FHIT: variants seen among roughly 807,000 people sequenced by gnomAD.
The protein encoded by FHIT is fragile histidine triad diadenosine triphosphatase, also known as bis(5'-adenosyl)-triphosphatase.
Under a neutral mutation model 17.9 loss-of-function variants are expected in FHIT, and 19 were observed. The ratio of observed to expected loss-of-function variants is 1.06; its 90% CI spans 0.74 to 1.56. FHIT has a LOEUF of 1.56. FHIT is among the 40% of genes most tolerant of loss of function. The pLI is 0.00. For synonymous variants in FHIT, 81 were observed against 69.7 expected, an observed-to-expected ratio of 1.16 and a Z score of -0.81; for missense variants, 248 against 189.2, an observed-to-expected ratio of 1.31 and a Z score of -1.82.
intron 5 of FHIT, among the ~76,000 whole-genome samples, chr3:60,087,658 A>T (rs1369268469): frequency 1.3e-5 from 2 of 152,182 alleles, no homozygotes; most frequent in Non-Finnish European, 2.9e-5. Context: ...TAGGACATGG[A>T]CACGATGCAG....
At chr3:60,423,148 G>C (rs1188228673) in intron 5 of FHIT, among the ~76,000 whole-genome samples, 2 of 152,226 alleles carry the variant, frequency 1.3e-5, no homozygotes, top group East Asian at 1.9e-4. Flanking sequence ...AGCCTCAAGT[G>C]AATTAAGCAC....
At chr3:60,148,915 T>C (rs566684003) in intron 5 of FHIT, among the ~76,000 whole-genome samples, 1 of 152,324 alleles carries the variant, frequency 6.6e-6, no homozygotes, top group East Asian at 1.9e-4. Context: ...TCTGCTGTCC[T>C]TTCTTCCCTG....
chr3:60,818,523 C>T (rs1553738304), intron 4 of FHIT, among the ~76,000 whole-genome samples: 1 of 152,146 alleles, frequency 6.6e-6, no homozygotes, highest in African/African-American at 2.4e-5. Flanking sequence ...ACATATACCT[C>T]AGAATTACAT....
At chr3:60,561,487 G>GAA (rs34615883) in intron 4 of FHIT, among the ~76,000 whole-genome samples, 88 of 147,438 alleles carry the variant, frequency 6.0e-4, no homozygotes, top group Non-Finnish European at 5.9e-4. Flanking sequence ...ATGATGGGGA[G>GAA]AAAAAAAAAA....
intron 5 of FHIT, among the ~76,000 whole-genome samples, chr3:60,158,322 CTCTT>C (rs1372581986): frequency 1.3e-5 from 2 of 151,826 alleles, no homozygotes; most frequent in Non-Finnish European, 2.9e-5. Flanking sequence ...TAATTTCTCT[CTCTT>C]TTTTTTTTTT....
chr3:60,555,087 G>T (rs1385147822), intron 4 of FHIT, among the ~76,000 whole-genome samples: 2 of 152,186 alleles, frequency 1.3e-5, no homozygotes, highest in East Asian at 1.9e-4. Context: ...AACAAGTTTA[G>T]AAGTATATAA....
intron 5 of FHIT, among the ~76,000 whole-genome samples, chr3:60,309,856 T>C (rs1708860789): frequency 6.6e-6 from 1 of 152,274 alleles, no homozygotes; most frequent in South Asian, 2.1e-4. Context: ...ACAGCCACAA[T>C]GGTCTCTGGG....
chr3:60,922,001 C>G (rs1267417528), intron 3 of FHIT, among the ~76,000 whole-genome samples: 1 of 152,224 alleles, frequency 6.6e-6, no homozygotes, highest in Non-Finnish European at 1.5e-5. Context: ...CTTCTCCAGG[C>G]ACTGCCTGCA....
At chr3:61,126,383 T>C (rs1366554191) in intron 2 of FHIT, among the ~76,000 whole-genome samples, 1 of 152,184 alleles carries the variant, frequency 6.6e-6, no homozygotes, top group Non-Finnish European at 1.5e-5. Context: ...GAAAAGAGGT[T>C]TAATTGACTC....
At chr3:59,826,292 G>T (rs1423325931) in intron 8 of FHIT, among the ~76,000 whole-genome samples, 2 of 152,068 alleles carry the variant, frequency 1.3e-5, no homozygotes, top group Non-Finnish European at 2.9e-5. Context: ...TAATTTTTTT[G>T]TAGAGATGGG....
At chr3:60,930,482 A>C (rs1286530449) in intron 3 of FHIT, among the ~76,000 whole-genome samples, 1 of 152,242 alleles carries the variant, frequency 6.6e-6, no homozygotes, top group Non-Finnish European at 1.5e-5. Flanking sequence ...CAAAGGACTA[A>C]TATCCAGAAT....
chr3:60,858,264 G>C (rs892677752), intron 3 of FHIT, among the ~76,000 whole-genome samples: 30 of 152,110 alleles, frequency 2.0e-4, no homozygotes, highest in Non-Finnish European at 2.2e-4. Flanking sequence ...GAACAGGCTT[G>C]ATTTTACTAA....
chr3:60,674,911 A>C (rs11923899), intron 4 of FHIT, among the ~76,000 whole-genome samples: 9,338 of 152,232 alleles, frequency 0.061, 424 homozygotes, highest in African/African-American at 0.12. Flanking sequence ...TACCTCATGC[A>C]TCTCTCTTAT....
At chr3:60,647,478 ACT>A (rs1442634559) in intron 4 of FHIT, among the ~76,000 whole-genome samples, 2 of 151,898 alleles carry the variant, frequency 1.3e-5, no homozygotes, top group African/African-American at 4.8e-5. Flanking sequence ...AGAAGAAGAG[ACT>A]CTGGTACTCG....
chr3:61,065,637 G>A (rs1478697374), intron 2 of FHIT, among the ~76,000 whole-genome samples: 1 of 151,576 alleles, frequency 6.6e-6, no homozygotes, highest in Non-Finnish European at 1.5e-5. Context: ...AAACATCAGG[G>A]ACAACTTAAT....
At chr3:60,151,451 A>T (rs1455450183) in intron 5 of FHIT, among the ~76,000 whole-genome samples, 1 of 152,166 alleles carries the variant, frequency 6.6e-6, no homozygotes, top group Non-Finnish European at 1.5e-5. Context: ...CATGCAATGT[A>T]TTCTTCAAAG....
At chr3:61,052,924 G>A (rs886890896) in intron 2 of FHIT, among the ~76,000 whole-genome samples, 3 of 152,024 alleles carry the variant, frequency 2.0e-5, no homozygotes, top group African/African-American at 7.3e-5. Context: ...TCAGACATAG[G>A]TTCCAAAGTC....
intron 5 of FHIT, among the ~76,000 whole-genome samples, chr3:60,108,213 T>C (rs1056031109): frequency 1.3e-5 from 2 of 152,220 alleles, no homozygotes; most frequent in Admixed American, 1.3e-4. Flanking sequence ...TAAGGCATTA[T>C]GTTTTTACTT....
intron 8 of FHIT, among the ~76,000 whole-genome samples, chr3:59,796,084 C>T (rs1017650351): frequency 2.6e-5 from 4 of 152,134 alleles, no homozygotes; most frequent in African/African-American, 9.7e-5. Context: ...GAAGTGTGCA[C>T]CTGCAGCAAG....
Sources: allele counts gnomAD v4.1 joint callset (sites outside exome capture counted in the v4.1 genomes callset), GRCh38; gene constraint gnomAD v4.1.1; transcripts MANE v1.5; gene names NCBI Gene and HGNC (gene_info 2026-07-23, HGNC 2026-07-21).